Variants in TMEM178B observed in about 807,000 individuals in gnomAD.
TMEM178B encodes the protein transmembrane protein 178B.
A neutral mutation model predicts 31.0 loss-of-function variants in TMEM178B; 5 were observed. The ratio of observed to expected loss-of-function variants is 0.16; its 90% confidence interval spans 0.08 to 0.34. The LOEUF (loss-of-function observed/expected upper bound fraction) is 0.34. Among genes scored for constraint, TMEM178B ranks in the 10% least tolerant of loss-of-function variants. TMEM178B has a pLI of 1.00. For synonymous variants in TMEM178B, 164 were observed against 164.0 expected, an observed-to-expected ratio of 1.00 and a Z score of 0.00; for missense variants, 275 against 400.3, an observed-to-expected ratio of 0.69 and a Z score of 2.67.
chr7:141,103,657 T>C (rs769460190), intron 1 of TMEM178B, among the ~76,000 whole-genome samples: 1 of 152,206 alleles, frequency 6.6e-6, no homozygotes, highest in Non-Finnish European at 1.5e-5. Flanking sequence ...GGATTAGGAC[T>C]ATCTTTGGGC....
In TMEM178B at chr7:141,212,556, T is replaced by C. The variant is rs1797067433; in HGVS notation, c.383-35T>C. The C allele has an allele frequency of 2.6e-6, 4 of 1,512,976 alleles. No homozygotes were observed. The South Asian group carries it at 4.8e-5, about 18-fold the overall frequency. The allele number at this position is 1,512,976 out of a possible 1,614,324, so 93.7% of individuals were successfully genotyped here. On this transcript the variant is annotated intron_variant, in intron 1 of 3. Coordinates refer to ENST00000565468, the MANE Select transcript of TMEM178B (RefSeq NM_001195278.2). The stretch of plus-strand genomic sequence containing the variant: ...AACTAGTCCAGATGTGGTTGCTGCT[T>C]CCTTAACATTTTGTTTCCTGTTTCT...
chr7:141,502,997 T>C, the TMEM178B span, among the ~76,000 whole-genome samples: 2 of 152,176 alleles, frequency 1.3e-5, no homozygotes, highest in Non-Finnish European at 2.9e-5. Flanking sequence ...GTCCGGGGTA[T>C]TGTGCAAAGT....
chr7:141,296,283 G>T (rs962302787), intron 2 of TMEM178B, among the ~76,000 whole-genome samples: 12 of 152,118 alleles, frequency 7.9e-5, no homozygotes, highest in African/African-American at 2.7e-4. Context: ...GGCCAGGCTG[G>T]TCTCAAACTC....
Position 141,421,362 on chromosome 7 carries a change from A to G in TMEM178B, c.497-16246A>G, listed in dbSNP as rs796968146. Among the ~76,000 whole-genome samples the G allele has an allele frequency of 1.1e-4, 16 of 152,346 alleles. No individual in the cohort carries two copies. In the South Asian group the frequency reaches 2.5e-3, roughly 24 times the overall value. On this transcript the variant is annotated intron_variant, in intron 2 of 3. Coordinates refer to ENST00000565468, the MANE Select transcript of TMEM178B (RefSeq NM_001195278.2). ...AAATACACATTGGATGATACCAGTCATACTCACTGAGCCTTGTATTTGTTC... is the reference window on the plus strand; with the variant it reads ...AAATACACATTGGATGATACCAGTCGTACTCACTGAGCCTTGTATTTGTTC...
intron 2 of TMEM178B, among the ~76,000 whole-genome samples, chr7:141,250,647 A>T (rs1233892881): frequency 6.6e-6 from 1 of 152,078 alleles, no homozygotes; most frequent in Non-Finnish European, 1.5e-5. Context: ...GGACTTCTTG[A>T]CATTTATCAC....
rs1798433706 is a variant in TMEM178B, at chr7:141,285,399, C to T, written c.496+72695C>T. 2.6e-5 allele frequency among the ~76,000 whole-genome samples: 4 copies of T among 151,752 alleles called. No homozygotes were observed. The South Asian group carries it at 8.3e-4, about 32-fold the overall frequency. On this transcript the variant is annotated intron_variant, in intron 2 of 3. Transcript: ENST00000565468. ...GGTCTCGATCTCCTGACCTCATGAT[C>T]CACCTGCCTCGGCCTCCCAAAGTGC...
chr7:141,132,761 C>T (rs111921012), intron 1 of TMEM178B, among the ~76,000 whole-genome samples: 136 of 152,284 alleles, frequency 8.9e-4, no homozygotes, highest in African/African-American at 2.5e-3. Flanking sequence ...AGCAAGCTGC[C>T]TGGAGGCCCA....
At chr7:141,223,105 C>T (rs776848872) in intron 2 of TMEM178B, among the ~76,000 whole-genome samples, 4 of 152,128 alleles carry the variant, frequency 2.6e-5, no homozygotes. Context: ...CCCTGCCTTC[C>T]GTTTGCTATG....
chr7:141,389,662 T>A (rs937370946), intron 2 of TMEM178B, among the ~76,000 whole-genome samples: 1 of 152,212 alleles, frequency 6.6e-6, no homozygotes, highest in African/African-American at 2.4e-5. Flanking sequence ...ATCAATAGAA[T>A]GACAGCCCCC....
chr7:141,341,936 T>C (rs1247942486), intron 2 of TMEM178B, among the ~76,000 whole-genome samples: 1 of 152,132 alleles, frequency 6.6e-6, no homozygotes, highest in East Asian at 1.9e-4. Context: ...ATGTACAAAT[T>C]ACGTCAAAAT....
At chr7:141,493,662 C>G in the TMEM178B span, among the ~76,000 whole-genome samples, 1 of 152,294 alleles carries the variant, frequency 6.6e-6, no homozygotes, top group South Asian at 2.1e-4. Context: ...GCTGCCCTGA[C>G]GTGAACATGA....
At chr7:141,271,248 A>G (rs1463908503) in intron 2 of TMEM178B, among the ~76,000 whole-genome samples, 1 of 152,044 alleles carries the variant, frequency 6.6e-6, no homozygotes, top group Non-Finnish European at 1.5e-5. Context: ...AAATCTCTCC[A>G]TGTCCCAAGC....
chr7:141,432,659 GAGGC>G (rs898106383), intron 2 of TMEM178B, among the ~76,000 whole-genome samples: 1 of 152,114 alleles, frequency 6.6e-6, no homozygotes, highest in African/African-American at 2.4e-5. Context: ...TTGTTTCACA[GAGGC>G]AATATCTTTC....
intron 1 of TMEM178B, among the ~76,000 whole-genome samples, chr7:141,114,509 C>T (rs1272621405): frequency 1.3e-5 from 2 of 152,242 alleles, no homozygotes; most frequent in East Asian, 3.8e-4. Context: ...TCTGGAGATG[C>T]AAAGGAGTCA....
rs1200395564 is a variant in TMEM178B, at chr7:141,474,308, A to T, written c.*3522A>T. ...GTTTCCTCTCTCTCTACTCACTCCT[A>T]CTTTCTCCTGCATCAACTTTGGTCA... On this transcript the variant is annotated 3_prime_UTR_variant, in exon 4 of 4. Coordinates refer to ENST00000565468, the MANE Select transcript of TMEM178B (RefSeq NM_001195278.2). 4 of 152,084 alleles carry T rather than the reference A, an allele frequency of 2.6e-5. No individual in the cohort carries two copies. Among genetic ancestry groups the T allele is most frequent in the African/African-American group, 9.7e-5 (4 of 41,412 alleles). 9.4% of individuals were successfully genotyped at this position (152,084 alleles called of 1,614,324 possible). A position where few individuals can be genotyped will look rare whatever the true frequency, so the allele number is the denominator to read the frequency against.
chr7:141,176,900 C>T (rs1796443557), intron 1 of TMEM178B, among the ~76,000 whole-genome samples: 1 of 152,156 alleles, frequency 6.6e-6, no homozygotes, highest in Non-Finnish European at 1.5e-5. Flanking sequence ...AAAAAACCAG[C>T]TCCTGGATTC....
intron 2 of TMEM178B, among the ~76,000 whole-genome samples, chr7:141,431,878 A>G (rs185361871): frequency 1.1e-4 from 16 of 152,332 alleles, no homozygotes; most frequent in African/African-American, 3.8e-4. Context: ...TCTTACCTCT[A>G]AAGACAGGAG....
At chr7:141,200,663 C>T (rs1321998328) in intron 1 of TMEM178B, among the ~76,000 whole-genome samples, 2 of 152,136 alleles carry the variant, frequency 1.3e-5, no homozygotes, top group African/African-American at 4.8e-5. Flanking sequence ...GCCAAGCTGA[C>T]CTCATTCCCT....
intron 1 of TMEM178B, among the ~76,000 whole-genome samples, chr7:141,203,696 TG>T: frequency 6.6e-6 from 1 of 152,344 alleles, no homozygotes; most frequent in Middle Eastern, 3.4e-3. Context: ...GCTTTTCCCC[TG>T]GCTGGCACAG....
Sources: allele counts gnomAD v4.1 joint callset (sites outside exome capture counted in the v4.1 genomes callset), GRCh38; gene constraint gnomAD v4.1.1; transcripts MANE v1.5; gene names NCBI Gene and HGNC (gene_info 2026-07-23, HGNC 2026-07-21).